Variants in ARHGAP8 observed in about 807,000 individuals in gnomAD.
ARHGAP8 encodes the protein rho GTPase-activating protein 8.
A neutral mutation model predicts 46.1 loss-of-function variants in ARHGAP8; 62 were observed. The observed-to-expected ratio is 1.34, with a 90% CI of 1.10 to 1.66. The LOEUF (loss-of-function observed/expected upper bound fraction) is 1.66, where lower values mean the gene tolerates loss of function less well. Among genes scored for constraint, ARHGAP8 ranks in the 40% most tolerant of loss-of-function variants. ARHGAP8 has a pLI of 0.00. For missense variants in ARHGAP8, 923 were observed against 568.4 expected, an observed-to-expected ratio of 1.62 and a Z score of -6.34; for synonymous variants, 375 against 243.1, an observed-to-expected ratio of 1.54 and a Z score of -5.05.
intron 7 of ARHGAP8, among the ~76,000 whole-genome samples, chr22:44,841,923 G>A (rs755660962): frequency 1.8e-4 from 27 of 152,190 alleles, no homozygotes; most frequent in Admixed American, 1.3e-3. Context: ...GCTTGTTGAC[G>A]GCACCACAGT....
chr22:44,763,745 CA>C (rs1281710756), intron 1 of ARHGAP8, among the ~76,000 whole-genome samples: 1 of 150,784 alleles, frequency 6.6e-6, no homozygotes, highest in Non-Finnish European at 1.5e-5. Flanking sequence ...ATTGCACTTC[CA>C]CCAGACAAGG....
At position 44,833,349 on chromosome 22, in the gene ARHGAP8, T is replaced by G. The variant is rs561195370; in HGVS notation, c.596+7756T>G. Among the ~76,000 whole-genome samples the G allele has an allele frequency of 1.1e-4, 17 of 151,944 alleles. No homozygotes were observed. The South Asian group carries it at 2.5e-3, about 22-fold the overall frequency. On this transcript the variant is annotated intron_variant, in intron 7 of 11. Transcript: ENST00000356099. ...TTCTATTTCTAGTTTGTTGAGTGGT[T>G]GGTTGGTTGGTTGGTTGGTTTGTTC...
intron 7 of ARHGAP8, among the ~76,000 whole-genome samples, chr22:44,839,960 C>G (rs1414104619): frequency 6.6e-6 from 1 of 152,184 alleles, no homozygotes; most frequent in Non-Finnish European, 1.5e-5. Flanking sequence ...CAAGACATGC[C>G]TTATGTTCCT....
intron 1 of ARHGAP8, among the ~76,000 whole-genome samples, chr22:44,771,554 T>A (rs929914389): frequency 1.4e-5 from 2 of 143,886 alleles, no homozygotes; most frequent in African/African-American, 2.6e-5. Flanking sequence ...GCTTTTTTTT[T>A]ATTTTTTATT....
At position 44,862,595 on chromosome 22, in the gene ARHGAP8, G is replaced by A. The variant is rs756553478; in HGVS notation, c.1302G>A (p.Ter434=). ...SPLMAARRRL[*] is the part of the protein sequence containing the mutation. ...TGATGGCAGCCAGAAGACGTCTCTA[G>A]TGTTGCGAACACTCTGTATATTTCG... Residue 434 remains the stop codon, a stop_retained_variant, in exon 12 of 12, where the codon TAG becomes TAA. Coordinates refer to ENST00000356099, the MANE Select transcript of ARHGAP8 (RefSeq NM_181335.3). The A allele has an allele frequency of 1.9e-6, 3 of 1,569,016 alleles. No individual in the cohort carries two copies. Among genetic ancestry groups the A allele is most frequent in the South Asian group, 1.2e-5 (1 of 85,992 alleles).
At chr22:44,853,077 C>T (rs1473157481) in intron 10 of ARHGAP8, among the ~76,000 whole-genome samples, 1 of 152,080 alleles carries the variant, frequency 6.6e-6, no homozygotes, top group Non-Finnish European at 1.5e-5. Flanking sequence ...GCTGGGATTA[C>T]AGGCATGAGC....
chr22:44,792,909 T>G (rs954400246), intron 2 of ARHGAP8, among the ~76,000 whole-genome samples: 1 of 151,880 alleles, frequency 6.6e-6, no homozygotes, highest in African/African-American at 2.4e-5. Flanking sequence ...CTGCAACTTC[T>G]GCCTCCCAGG....
At chr22:44,801,140 T>TG (rs536277645) in intron 2 of ARHGAP8, among the ~76,000 whole-genome samples, 2 of 40,232 alleles carry the variant, frequency 5.0e-5, no homozygotes, top group Admixed American at 2.7e-4. Flanking sequence ...TGTCCATGTG[T>TG]GGGGGCACCT....
intron 7 of ARHGAP8, among the ~76,000 whole-genome samples, chr22:44,842,063 T>TA (rs1931686617): frequency 6.6e-6 from 1 of 152,136 alleles, no homozygotes; most frequent in South Asian, 2.1e-4. Context: ...TTTGAAGGGT[T>TA]AAAACCAGGC....
chr22:44,819,738 G>A (rs545861780), intron 5 of ARHGAP8, among the ~76,000 whole-genome samples: 6 of 152,084 alleles, frequency 3.9e-5, no homozygotes, highest in African/African-American at 1.2e-4. Context: ...AATATCTTAC[G>A]CACCTTATGT....
chr22:44,862,250 TTTAC>T lies in ARHGAP8; in HGVS notation c.982-22_982-19del, dbSNP rs149848170. ...CCGTGCCCCTTGGTGTTCACTCCCC[TTTAC>T]TTGTGTGTGGTTTCCTCCAGGTGTC... On this transcript the variant is annotated intron_variant, in intron 11 of 11. Coordinates refer to ENST00000356099, the MANE Select transcript of ARHGAP8 (RefSeq NM_181335.3). 5,040 of 1,569,920 alleles carry T rather than the reference TTTAC, an allele frequency of 3.2e-3. 177 individuals are homozygous for T. In the African/African-American group the frequency reaches 0.06, roughly 19 times the overall value.
intron 3 of ARHGAP8, 70 bp from the exon 4 acceptor site, chr22:44,808,237 A>G: frequency 6.4e-7 from 1 of 1,563,902 alleles, no homozygotes; most frequent in South Asian, 1.2e-5. Flanking sequence ...CTTCCATTAT[A>G]GGGAAAGCAC....
At chr22:44,791,650 G>T (rs914910212) in intron 2 of ARHGAP8, among the ~76,000 whole-genome samples, 1 of 152,182 alleles carries the variant, frequency 6.6e-6, no homozygotes, top group East Asian at 1.9e-4. Flanking sequence ...GTTGCAGTGA[G>T]CCGAGATTGC....
chr22:44,861,118 A>C (rs1322302493), intron 11 of ARHGAP8, among the ~76,000 whole-genome samples: 1 of 152,126 alleles, frequency 6.6e-6, no homozygotes, highest in Non-Finnish European at 1.5e-5. Context: ...ATTACAGGTG[A>C]GAACCACCAT....
intron 4 of ARHGAP8, chr22:44,809,098 G>T: frequency 2.1e-6 from 1 of 470,394 alleles, no homozygotes. Context: ...TGGGATTACA[G>T]GCAGGAGCCA....
At chr22:44,793,495 T>C (rs1041491373) in intron 2 of ARHGAP8, among the ~76,000 whole-genome samples, 1 of 152,254 alleles carries the variant, frequency 6.6e-6, no homozygotes. Flanking sequence ...GGTCTTCAGC[T>C]CTCCTTCCAC....
At chr22:44,805,218 G>C (rs1470595952) in intron 3 of ARHGAP8, among the ~76,000 whole-genome samples, 1 of 152,222 alleles carries the variant, frequency 6.6e-6, no homozygotes, top group Non-Finnish European at 1.5e-5. Flanking sequence ...GCTGGGCCAG[G>C]AATGAGCTCA....
intron 5 of ARHGAP8, among the ~76,000 whole-genome samples, chr22:44,816,884 CTT>C (rs981732386): frequency 1.3e-4 from 15 of 115,062 alleles, no homozygotes; most frequent in African/African-American, 1.3e-4. Context: ...TTCTTTCTTT[CTT>C]TTTTTTTTTT....
chr22:44,813,303 G>GGA (rs1929472417), intron 4 of ARHGAP8, among the ~76,000 whole-genome samples: 2 of 151,064 alleles, frequency 1.3e-5, no homozygotes, highest in African/African-American at 4.9e-5. Context: ...CCTGGATACA[G>GGA]TACATACACC....
Sources: allele counts gnomAD v4.1 joint callset (sites outside exome capture counted in the v4.1 genomes callset), GRCh38; gene constraint gnomAD v4.1.1; transcripts MANE v1.5; gene names NCBI Gene and HGNC (gene_info 2026-07-23, HGNC 2026-07-21).